Variants in TADA2A observed in about 807,000 individuals in gnomAD.
TADA2A encodes transcriptional adapter 2-alpha.
In TADA2A, 38 loss-of-function variants were observed where a neutral mutation model predicts 67.4. The observed-to-expected ratio is 0.56, with a 90% CI of 0.44 to 0.74. The LOEUF is 0.74. TADA2A is among the 30% of genes least tolerant of loss of function. The pLI, the probability that TADA2A is intolerant of heterozygous loss-of-function variation, is 0.00. For missense variants in TADA2A, 454 were observed against 547.0 expected, an observed-to-expected ratio of 0.83 and a Z score of 1.70; for synonymous variants, 192 against 181.6, an observed-to-expected ratio of 1.06 and a Z score of -0.46.
At chr17:37,446,096 TGGG>T (rs5820217) in intron 8 of TADA2A, among the ~76,000 whole-genome samples, 1 of 119,394 alleles carries the variant, frequency 8.4e-6, no homozygotes, top group African/African-American at 3.5e-5. Context: ...GGTTTTTTTT[TGGG>T]GGGGTTTTTT....
chr17:37,429,505 C>T (rs1007794800), intron 4 of TADA2A, among the ~76,000 whole-genome samples: 1 of 151,880 alleles, frequency 6.6e-6, no homozygotes, highest in Admixed American at 6.6e-5. Flanking sequence ...AGGTCTCGAA[C>T]TCAGGGGTTC....
intron 15 of TADA2A, among the ~76,000 whole-genome samples, 189 bp downstream of exon 15, chr17:37,474,818 C>G (rs2053860343): frequency 6.6e-6 from 1 of 152,174 alleles, no homozygotes; most frequent in Non-Finnish European, 1.5e-5. Flanking sequence ...AATTGCTTAC[C>G]TTGTCACCCT....
chr17:37,456,228 G>A (rs11868171), intron 8 of TADA2A, among the ~76,000 whole-genome samples: 37,346 of 152,082 alleles, frequency 0.25, 4,643 homozygotes, highest in Middle Eastern at 0.36. Flanking sequence ...AAAGGTAGGC[G>A]TAATCAAGAC....
intron 11 of TADA2A, among the ~76,000 whole-genome samples, chr17:37,466,626 C>T (rs1275044537): frequency 6.6e-6 from 1 of 152,104 alleles, no homozygotes; most frequent in Non-Finnish European, 1.5e-5. Context: ...GTTGGTTGTC[C>T]TCACCAAACA....
chr17:37,425,866 A>T (rs2052390022), intron 3 of TADA2A, among the ~76,000 whole-genome samples: 1 of 144,054 alleles, frequency 6.9e-6, no homozygotes, highest in South Asian at 2.2e-4. Context: ...CTTGTTGCTC[A>T]GGCTGGTCTG....
chr17:37,456,188 A>G (rs2053386833), intron 8 of TADA2A, among the ~76,000 whole-genome samples: 1 of 152,226 alleles, frequency 6.6e-6, no homozygotes, highest in Non-Finnish European at 1.5e-5. Context: ...CAACAGAGCG[A>G]GACTCCATCT....
intron 15 of TADA2A, among the ~76,000 whole-genome samples, chr17:37,475,339 G>A (rs2053871655): frequency 6.6e-6 from 1 of 151,822 alleles, no homozygotes; most frequent in South Asian, 2.1e-4. Context: ...ACCATGCCTG[G>A]CTAATTTTTG....
intron 9 of TADA2A, among the ~76,000 whole-genome samples, chr17:37,460,651 G>A (rs958710661): frequency 6.6e-6 from 1 of 152,142 alleles, no homozygotes; most frequent in African/African-American, 2.4e-5. Context: ...AGGCATACTG[G>A]TTCTTCCTCT....
At chr17:37,416,832 T>C (rs2052063619) in intron 2 of TADA2A, among the ~76,000 whole-genome samples, 2 of 148,632 alleles carry the variant, frequency 1.3e-5, no homozygotes, top group African/African-American at 5.0e-5. Context: ...ACCACTACAC[T>C]CCAGCCTTCC....
chr17:37,432,615 C>CT (rs903094545), intron 4 of TADA2A, among the ~76,000 whole-genome samples: 3 of 152,160 alleles, frequency 2.0e-5, no homozygotes, highest in African/African-American at 7.2e-5. Context: ...ACACCTGGGC[C>CT]TTGCCCACGT....
chr17:37,454,237 G>T, intron 8 of TADA2A: 1 of 155,960 alleles, frequency 6.4e-6, no homozygotes, highest in South Asian at 1.9e-4. Context: ...GCTATGCCAG[G>T]ACCGATGGGA....
chr17:37,462,045 T>G (rs1416802945), intron 9 of TADA2A, 33 bp from the exon 10 acceptor site: 2 of 1,493,716 alleles, frequency 1.3e-6, no homozygotes, highest in Non-Finnish European at 1.8e-6. Context: ...AAAATAATTC[T>G]AATGCACAAA....
In TADA2A at chr17:37,479,182, G is replaced by C. The variant is rs2053943361; in HGVS notation, c.*2200G>C. The stretch of plus-strand genomic sequence containing the variant: ...AGAAAAATGGCAGATGGAAGTGGGA[G>C]ACAATTCCACACACAGGGGGTGGAG... On this transcript the variant is annotated 3_prime_UTR_variant, in exon 16 of 16. Transcript: ENST00000615182. The C allele has an allele frequency of 6.6e-6, 1 of 152,298 alleles. No homozygotes were observed. The highest frequency in any genetic ancestry group is 1.5e-5 in the Non-Finnish European group (1 of 68,076). 9.4% of individuals were successfully genotyped at this position (152,298 alleles called of 1,614,324 possible).
chr17:37,468,107 T>G (rs929224825), intron 12 of TADA2A, among the ~76,000 whole-genome samples: 1 of 152,094 alleles, frequency 6.6e-6, no homozygotes, highest in Non-Finnish European at 1.5e-5. Context: ...GAATTTTATA[T>G]TTTAGGTGTG....
At chr17:37,462,204 T>G (rs1176880036) in intron 10 of TADA2A, 83 bp downstream of exon 10, 11 of 945,828 alleles carry the variant, frequency 1.2e-5, no homozygotes, top group Non-Finnish European at 1.8e-5. Flanking sequence ...ATTGTAGTTC[T>G]TAATCCAAGT....
chr17:37,440,266 A>C (rs1277684916), intron 5 of TADA2A, among the ~76,000 whole-genome samples: 1 of 152,132 alleles, frequency 6.6e-6, no homozygotes, highest in Non-Finnish European at 1.5e-5. Flanking sequence ...TAAGTGGAAA[A>C]GAAAGGACTT....
At chr17:37,457,567 G>A (rs1385810395) in intron 8 of TADA2A, among the ~76,000 whole-genome samples, 3 of 140,538 alleles carry the variant, frequency 2.1e-5, no homozygotes, top group Admixed American at 7.9e-5. Context: ...GCATGATCTC[G>A]GCTCACTGCA....
chr17:37,436,748 T>C (rs1364614645), intron 4 of TADA2A, among the ~76,000 whole-genome samples: 2 of 151,802 alleles, frequency 1.3e-5, no homozygotes, highest in Non-Finnish European at 2.9e-5. Context: ...TAGATGTCTC[T>C]ACCCTGTTCT....
At chr17:37,451,755 G>C (rs552249041) in intron 8 of TADA2A, among the ~76,000 whole-genome samples, 2 of 152,156 alleles carry the variant, frequency 1.3e-5, no homozygotes, top group South Asian at 4.2e-4. Context: ...AGGCCGAGAC[G>C]GGCAGATCAC....
Sources: gnomAD v4.1 joint callset for allele counts (sites outside exome capture counted in the v4.1 genomes callset) on GRCh38, gnomAD v4.1.1 for gene constraint, MANE v1.5 for transcripts, NCBI Gene and HGNC (gene_info 2026-07-23, HGNC 2026-07-21) for gene names.